UNC5D: variants seen among roughly 807,000 people sequenced by gnomAD.
UNC5D encodes the protein netrin receptor UNC5D.
UNC5D carries 39 observed loss-of-function variants against 105.4 expected under a neutral mutation model. The observed-to-expected ratio is 0.37, with a 90% CI of 0.29 to 0.48. The LOEUF (loss-of-function observed/expected upper bound fraction) is 0.48. Ranked by LOEUF, UNC5D falls within the 20% of genes least tolerant of loss-of-function variation. UNC5D has a pLI of 0.98. For missense variants in UNC5D, 991 were observed against 1,202.4 expected (o/e 0.82, Z 2.60); for synonymous variants, 452 against 450.4 (o/e 1.00, Z -0.04).
intron 1 of UNC5D, among the ~76,000 whole-genome samples, chr8:35,353,815 C>G (rs983714448): frequency 6.6e-6 from 1 of 152,036 alleles, no homozygotes; most frequent in African/African-American, 2.4e-5. Flanking sequence ...CATCTCTGCA[C>G]ATACACGTGT....
At chr8:35,679,565 G>A (rs1825512764) in intron 4 of UNC5D, among the ~76,000 whole-genome samples, 1 of 152,176 alleles carries the variant, frequency 6.6e-6, no homozygotes, top group South Asian at 2.1e-4. Flanking sequence ...CACAGAGGGT[G>A]CTAGAACCCC....
chr8:35,362,512 T>A (rs1006269068), intron 1 of UNC5D, among the ~76,000 whole-genome samples: 1 of 152,170 alleles, frequency 6.6e-6, no homozygotes, highest in South Asian at 2.1e-4. Context: ...CTAACTTTAA[T>A]GCAGTGAGCC....
rs1173538132 is a variant in UNC5D, at chr8:35,759,173, T to C, written c.2164-147T>C. The C allele has an allele frequency of 6.2e-6, 5 of 804,592 alleles. No homozygotes were observed. In the African/African-American group the frequency reaches 7.0e-5, roughly 11 times the overall value. 49.8% of individuals were successfully genotyped at this position (804,592 alleles called of 1,614,324 possible). On this transcript the variant is annotated intron_variant, in intron 13 of 16. Coordinates refer to ENST00000404895, the MANE Select transcript of UNC5D (RefSeq NM_080872.4). ...CCTTAGTCTTGAACTTTATGGACTA[T>C]GGAGTTGTAAAGAAGTATGTTTCTC...
At chr8:35,431,560 G>A (rs1182578766) in intron 1 of UNC5D, among the ~76,000 whole-genome samples, 3 of 152,024 alleles carry the variant, frequency 2.0e-5, no homozygotes, top group East Asian at 1.9e-4. Flanking sequence ...ATTCCATCTG[G>A]CTTTTCATTG....
intron 1 of UNC5D, among the ~76,000 whole-genome samples, chr8:35,345,307 G>C (rs1244716384): frequency 6.6e-6 from 1 of 151,650 alleles, no homozygotes; most frequent in African/African-American, 2.4e-5. Context: ...TGCATCGGCA[G>C]AGAAAATAAC....
intron 3 of UNC5D, among the ~76,000 whole-genome samples, chr8:35,576,030 G>T: frequency 6.6e-6 from 1 of 152,178 alleles, no homozygotes; most frequent in East Asian, 1.9e-4. Context: ...TTTCTCACCA[G>T]GCCTTGTGCC....
At chr8:35,265,327 G>T (rs1402818054) in intron 1 of UNC5D, among the ~76,000 whole-genome samples, 1 of 151,966 alleles carries the variant, frequency 6.6e-6, no homozygotes, top group Non-Finnish European at 1.5e-5. Context: ...TTAGAGTAGG[G>T]ATTGACAAGC....
At chr8:35,260,956 A>G (rs2128821551) in intron 1 of UNC5D, among the ~76,000 whole-genome samples, 1 of 152,258 alleles carries the variant, frequency 6.6e-6, no homozygotes, top group Middle Eastern at 3.4e-3. Context: ...TTGCAGTATA[A>G]TCTGATAAAG....
At chr8:35,453,482 G>C (rs1371191031) in intron 1 of UNC5D, among the ~76,000 whole-genome samples, 1 of 152,114 alleles carries the variant, frequency 6.6e-6, no homozygotes, top group Non-Finnish European at 1.5e-5. Context: ...TATTATTTGA[G>C]GCAGGTAGTA....
At chr8:35,335,438 A>G (rs935117194) in intron 1 of UNC5D, among the ~76,000 whole-genome samples, 1 of 152,234 alleles carries the variant, frequency 6.6e-6, no homozygotes, top group Admixed American at 6.6e-5. Context: ...TAGAAGGATT[A>G]AATTATATGA....
chr8:35,501,386 G>C (rs745685670), intron 1 of UNC5D, among the ~76,000 whole-genome samples: 1 of 152,156 alleles, frequency 6.6e-6, no homozygotes, highest in East Asian at 1.9e-4. Flanking sequence ...ATACTTGAAG[G>C]CATAAGGCCG....
intron 1 of UNC5D, among the ~76,000 whole-genome samples, chr8:35,496,376 G>A (rs28591276): frequency 6.6e-6 from 1 of 152,178 alleles, no homozygotes; most frequent in Non-Finnish European, 1.5e-5. Context: ...CTTTCTGGCT[G>A]TAGTATAGAG....
intron 1 of UNC5D, among the ~76,000 whole-genome samples, chr8:35,294,935 A>G (rs1807355963): frequency 6.6e-6 from 1 of 152,150 alleles, no homozygotes; most frequent in Non-Finnish European, 1.5e-5. Flanking sequence ...CACAATGAAA[A>G]ATACGCAAGA....
intron 1 of UNC5D, among the ~76,000 whole-genome samples, chr8:35,449,361 G>A (rs1165764922): frequency 1.3e-5 from 2 of 151,870 alleles, no homozygotes; most frequent in Non-Finnish European, 2.9e-5. Flanking sequence ...CTCTGTTATT[G>A]AGCTTCTGCT....
At chr8:35,506,075 T>C (rs1812288114) in intron 1 of UNC5D, among the ~76,000 whole-genome samples, 1 of 152,214 alleles carries the variant, frequency 6.6e-6, no homozygotes, top group Non-Finnish European at 1.5e-5. Flanking sequence ...ATTCAGATGA[T>C]CTAGACGATA....
intron 4 of UNC5D, among the ~76,000 whole-genome samples, chr8:35,626,170 T>A (rs1028747679): frequency 2.6e-5 from 4 of 151,880 alleles, no homozygotes; most frequent in Non-Finnish European, 5.9e-5. Flanking sequence ...CCACATGGAT[T>A]TCTCTCCCTG....
At chr8:35,553,121 C>A (rs1816288717) in intron 2 of UNC5D, among the ~76,000 whole-genome samples, 1 of 152,204 alleles carries the variant, frequency 6.6e-6, no homozygotes, top group East Asian at 1.9e-4. Context: ...AAATGATCAG[C>A]CATTTCTGTT....
chr8:35,363,660 G>A (rs1414349756), intron 1 of UNC5D, among the ~76,000 whole-genome samples: 1 of 152,046 alleles, frequency 6.6e-6, no homozygotes, highest in Non-Finnish European at 1.5e-5. Flanking sequence ...GCTAAACTAA[G>A]TCATTTGGTT....
chr8:35,261,433 T>A (rs1463582085), intron 1 of UNC5D, among the ~76,000 whole-genome samples: 1 of 152,168 alleles, frequency 6.6e-6, no homozygotes, highest in Non-Finnish European at 1.5e-5. Flanking sequence ...TATGTAACTG[T>A]CATAGAAAGA....
Sources: allele counts gnomAD v4.1 joint callset (sites outside exome capture counted in the v4.1 genomes callset), GRCh38; gene constraint gnomAD v4.1.1; transcripts MANE v1.5; gene names NCBI Gene and HGNC (gene_info 2026-07-23, HGNC 2026-07-21).